C21orf91: variants seen among roughly 807,000 people sequenced by gnomAD.
C21orf91 encodes the protein protein EURL homolog.
C21orf91 carries 26 observed loss-of-function variants against 32.9 expected under a neutral mutation model. That is an observed-to-expected ratio of 0.79 (90% CI 0.58 to 1.10). The LOEUF is 1.10. C21orf91 is among the 50% of genes least tolerant of loss of function. C21orf91 has a pLI of 0.00. For missense variants in C21orf91, 310 were observed against 341.3 expected (o/e 0.91, Z 0.72); for synonymous variants, 126 against 120.4 (o/e 1.05, Z -0.31).
At chr21:17,803,161 A>C (rs1600881226) in intron 2 of C21orf91, among the ~76,000 whole-genome samples, 1 of 152,246 alleles carries the variant, frequency 6.6e-6, no homozygotes, top group Non-Finnish European at 1.5e-5. Context: ...CTGTGAAAAA[A>C]TTTTAAGCAC....
chr21:17,806,462 G>C (rs7281283), intron 2 of C21orf91, among the ~76,000 whole-genome samples: 10,150 of 152,154 alleles, frequency 0.067, 367 homozygotes, highest in Admixed American at 0.088. Flanking sequence ...TGGCCAATCT[G>C]CCAGGTTACA....
intron 2 of C21orf91, among the ~76,000 whole-genome samples, chr21:17,798,182 GA>G (rs1178693582): frequency 6.6e-6 from 1 of 151,950 alleles, no homozygotes; most frequent in Non-Finnish European, 1.5e-5. Flanking sequence ...TGATTCATCA[GA>G]AAAAAATACA....
rs1008643047 is a variant in C21orf91, at chr21:17,792,878, T to G, written c.*537A>C. ...AAAACATTGTATTAAGAGAATAAAA[T>G]GCAGTGACCTGAAATATGGGTGAAC... On this transcript the variant is annotated 3_prime_UTR_variant, in exon 5 of 5. Coordinates refer to ENST00000284881, the MANE Select transcript of C21orf91 (RefSeq NM_001100420.2). 6.6e-6 allele frequency: 1 copy of G among 152,564 alleles called. No homozygotes were observed. Among genetic ancestry groups the G allele is most frequent in the African/African-American group, 2.4e-5 (1 of 41,440 alleles). 9.5% of individuals were successfully genotyped at this position (152,564 alleles called of 1,614,324 possible).
chr21:17,812,184 T>C (rs1223532191), intron 2 of C21orf91, among the ~76,000 whole-genome samples: 1 of 152,180 alleles, frequency 6.6e-6, no homozygotes, highest in African/African-American at 2.4e-5. Flanking sequence ...TATTCTATTA[T>C]TTAAACTTAT....
At chr21:17,794,399 CTG>C (rs1179211363) in intron 4 of C21orf91, among the ~76,000 whole-genome samples, 1 of 152,162 alleles carries the variant, frequency 6.6e-6, no homozygotes, top group Non-Finnish European at 1.5e-5. Context: ...GATAATGAGA[CTG>C]TGACTGTTTT....
At chr21:17,818,930 G>C (rs1357450411) in intron 1 of C21orf91, 2 of 152,308 alleles carry the variant, frequency 1.3e-5, no homozygotes, top group African/African-American at 4.8e-5. Context: ...GTACCGGCCG[G>C]GCACCGCCGG....
chr21:17,814,024 TC>T (rs773080796), intron 2 of C21orf91: 5 of 152,136 alleles, frequency 3.3e-5, no homozygotes, highest in Non-Finnish European at 5.9e-5. Flanking sequence ...AGGTTTTTTT[TC>T]CTCTATGGAA....
chr21:17,815,463 T>C (rs1298506751), intron 2 of C21orf91, among the ~76,000 whole-genome samples: 1 of 152,204 alleles, frequency 6.6e-6, no homozygotes, highest in Non-Finnish European at 1.5e-5. Context: ...AGGCATTGTG[T>C]TGGGAACTTG....
Position 17,792,439 on chromosome 21 carries a change from T to C in C21orf91, c.*976A>G, listed in dbSNP as rs964819672. ...ACAATTTGGACAGTTTAAGTATTCT[T>C]GAAACTTTACCCAAAGTGGCACACA... On this transcript the variant is annotated 3_prime_UTR_variant, in exon 5 of 5. Transcript: ENST00000284881. 18 of 152,048 alleles carry C rather than the reference T, an allele frequency of 1.2e-4. No individual in the cohort carries two copies. Among genetic ancestry groups the C allele is most frequent in the East Asian group, 5.8e-4 (3 of 5,168 alleles). 9.4% of individuals were successfully genotyped at this position (152,048 alleles called of 1,614,324 possible).
rs953285487 is a variant in C21orf91 at position 17,819,315 on chromosome 21, C to G, written c.-20G>C. 6.6e-6 allele frequency: 1 copy of G among 152,384 alleles called. No individual in the cohort carries two copies. Among genetic ancestry groups the G allele is most frequent in the Non-Finnish European group, 1.5e-5 (1 of 68,214 alleles). The allele number at this position is 152,384 out of a possible 1,614,324, so 9.4% of individuals were successfully genotyped here. ...GCGGGGTCTTTACCGTCCGGCTCCG[C>G]GGGCCACCACCGCCGTTCCGTGCGG... On this transcript the variant is annotated 5_prime_UTR_variant, in exon 1 of 5. Transcript: ENST00000284881.
intron 4 of C21orf91, among the ~76,000 whole-genome samples, 197 bp downstream of exon 4, chr21:17,795,011 A>G (rs2062507260): frequency 6.6e-6 from 1 of 151,992 alleles, no homozygotes; most frequent in Non-Finnish European, 1.5e-5. Context: ...TCGCAAAAAA[A>G]AAAAAAAAAG....
intron 2 of C21orf91, among the ~76,000 whole-genome samples, chr21:17,798,330 T>C (rs1412884508): frequency 6.6e-6 from 1 of 152,216 alleles, no homozygotes; most frequent in Non-Finnish European, 1.5e-5. Context: ...CTTGTGAATA[T>C]TAATGTTTTT....
At chr21:17,815,273 C>A (rs114518885) in intron 2 of C21orf91, among the ~76,000 whole-genome samples, 34 of 152,236 alleles carry the variant, frequency 2.2e-4, no homozygotes, top group African/African-American at 7.2e-4. Context: ...TATTATTCCT[C>A]AAGAGAATTT....
chr21:17,804,892 C>A (rs778854350), intron 2 of C21orf91, among the ~76,000 whole-genome samples: 13 of 152,190 alleles, frequency 8.5e-5, no homozygotes, highest in Non-Finnish European at 1.5e-4. Context: ...AAAAATAAAA[C>A]CTCTCTCAGT....
intron 3 of C21orf91, among the ~76,000 whole-genome samples, chr21:17,795,971 T>C (rs1377565451): frequency 6.6e-6 from 1 of 152,190 alleles, no homozygotes; most frequent in Non-Finnish European, 1.5e-5. Context: ...AAAAATAAAT[T>C]TGTCTGTCTA....
chr21:17,818,432 T>C (rs894880829), intron 1 of C21orf91, 107 bp from the exon 2 acceptor site: 2 of 864,836 alleles, frequency 2.3e-6, no homozygotes, highest in South Asian at 1.7e-5. Flanking sequence ...TCAGCTCATT[T>C]AAAGCAAAAG....
intron 2 of C21orf91, among the ~76,000 whole-genome samples, chr21:17,803,565 C>G (rs1306297711): frequency 6.6e-6 from 1 of 151,958 alleles, no homozygotes; most frequent in East Asian, 1.9e-4. Flanking sequence ...TTGGCACAGC[C>G]TAAGTAATTT....
At chr21:17,804,268 C>T (rs749689245) in intron 2 of C21orf91, among the ~76,000 whole-genome samples, 1 of 152,162 alleles carries the variant, frequency 6.6e-6, no homozygotes, top group Non-Finnish European at 1.5e-5. Flanking sequence ...TGTCATGTGA[C>T]CAAGGCAGAA....
At chr21:17,796,332 A>T (rs2062517583) in intron 3 of C21orf91, among the ~76,000 whole-genome samples, 2 of 152,216 alleles carry the variant, frequency 1.3e-5, no homozygotes, top group Non-Finnish European at 2.9e-5. Context: ...CAGTTTGTTG[A>T]TTCCATTTAG....
Sources: gnomAD v4.1 joint callset for allele counts (sites outside exome capture counted in the v4.1 genomes callset) on GRCh38, gnomAD v4.1.1 for gene constraint, MANE v1.5 for transcripts, NCBI Gene and HGNC (gene_info 2026-07-23, HGNC 2026-07-21) for gene names.